Variants in SPIRE1 observed in about 807,000 individuals in gnomAD.
SPIRE1 encodes protein spire homolog 1.
A neutral mutation model predicts 94.1 loss-of-function variants in SPIRE1; 40 were observed. The observed-to-expected ratio is 0.43, with a 90% CI of 0.33 to 0.55. The LOEUF is 0.55. Among genes scored for constraint, SPIRE1 ranks in the 20% least tolerant of loss-of-function variants. SPIRE1 has a pLI of 0.06. For synonymous variants in SPIRE1, 376 were observed against 371.7 expected, an observed-to-expected ratio of 1.01 and a Z score of -0.13; for missense variants, 838 against 975.2, an observed-to-expected ratio of 0.86 and a Z score of 1.87.
intron 2 of SPIRE1, among the ~76,000 whole-genome samples, chr18:12,604,679 A>AT (rs1567962315): frequency 6.6e-6 from 1 of 152,190 alleles, no homozygotes; most frequent in Non-Finnish European, 1.5e-5. Flanking sequence ...CATTAGAAAC[A>AT]TGGCAGAAAA....
intron 2 of SPIRE1, among the ~76,000 whole-genome samples, chr18:12,577,241 A>T (rs2036131327): frequency 1.3e-5 from 2 of 151,932 alleles, no homozygotes; most frequent in Non-Finnish European, 2.9e-5. Context: ...TCCGCCTCCC[A>T]GGGTTACACC....
chr18:12,504,527 C>A (rs920223842), intron 6 of SPIRE1, among the ~76,000 whole-genome samples: 7 of 152,216 alleles, frequency 4.6e-5, no homozygotes, highest in African/African-American at 1.2e-4. Flanking sequence ...AAACAAAAAA[C>A]CAAGTGATGT....
At chr18:12,645,974 A>G (rs1177039872) in intron 1 of SPIRE1, among the ~76,000 whole-genome samples, 1 of 152,118 alleles carries the variant, frequency 6.6e-6, no homozygotes, top group African/African-American at 2.4e-5. Context: ...AACTCCAAAT[A>G]ATTAGTAGTG....
chr18:12,607,615 AC>A (rs2037019552), intron 2 of SPIRE1, among the ~76,000 whole-genome samples: 2 of 151,646 alleles, frequency 1.3e-5, no homozygotes, highest in African/African-American at 2.4e-5. Context: ...ACACACACAC[AC>A]ACACACACAC....
chr18:12,590,837 A>C (rs929080523), intron 2 of SPIRE1, among the ~76,000 whole-genome samples: 2 of 152,238 alleles, frequency 1.3e-5, no homozygotes, highest in Non-Finnish European at 2.9e-5. Context: ...GTTACTGTGT[A>C]CAGTTTGTAA....
At chr18:12,576,611 G>A (rs1045546462) in intron 2 of SPIRE1, among the ~76,000 whole-genome samples, 14 of 145,558 alleles carry the variant, frequency 9.6e-5, no homozygotes, top group African/African-American at 2.5e-4. Context: ...AAAAAAAGAC[G>A]GGGCACAGTG....
At chr18:12,656,993 T>C (rs1335966436) in intron 1 of SPIRE1, among the ~76,000 whole-genome samples, 1 of 152,266 alleles carries the variant, frequency 6.6e-6, no homozygotes, top group African/African-American at 2.4e-5. Context: ...AGAATCATCT[T>C]TACATTTCCG....
chr18:12,506,736 CA>C, intron 5 of SPIRE1, 95 bp from the exon 6 acceptor site: 1 of 1,218,970 alleles, frequency 8.2e-7, no homozygotes, highest in African/African-American at 1.5e-5. Flanking sequence ...GCTTGGATTA[CA>C]AAACAATGAG....
chr18:12,478,920 T>A (rs1039835876), intron 10 of SPIRE1, among the ~76,000 whole-genome samples: 1 of 152,084 alleles, frequency 6.6e-6, no homozygotes, highest in African/African-American at 2.4e-5. Flanking sequence ...ATTTTCTTTT[T>A]TGGAGTTTTG....
chr18:12,555,162 C>T (rs1210901358), intron 2 of SPIRE1, among the ~76,000 whole-genome samples: 2 of 152,120 alleles, frequency 1.3e-5, no homozygotes, highest in Non-Finnish European at 2.9e-5. Context: ...CTCCCATCTC[C>T]TCAGCTGCAG....
intron 2 of SPIRE1, among the ~76,000 whole-genome samples, chr18:12,633,965 C>T (rs1337334921): frequency 6.6e-6 from 1 of 151,914 alleles, no homozygotes; most frequent in African/African-American, 2.4e-5. Flanking sequence ...AATAATAAAC[C>T]AGGCCAGGCA....
In SPIRE1 at chr18:12,658,079, C is replaced by G; in HGVS notation, c.-213G>C. 1.0e-6 allele frequency: 1 copy of G among 992,142 alleles called. No homozygotes were observed. Among genetic ancestry groups the G allele is most frequent in the Non-Finnish European group, 1.2e-6 (1 of 835,606 alleles). The allele number at this position is 992,142 out of a possible 1,614,324, so 61.5% of individuals were successfully genotyped here. ...ACGGCTGCAGTCCCGGTCAGACAGC[C>G]GCCGGCCGGTAGCGACGCGATGGCG... On this transcript the variant is annotated 5_prime_UTR_variant, in exon 1 of 17. Coordinates refer to ENST00000409402, the MANE Select transcript of SPIRE1 (RefSeq NM_001128626.2).
At chr18:12,610,181 G>C (rs1476602003) in intron 2 of SPIRE1, among the ~76,000 whole-genome samples, 1 of 151,800 alleles carries the variant, frequency 6.6e-6, no homozygotes. Flanking sequence ...TCTAGTTGCC[G>C]GTTTACTGTC....
At chr18:12,615,345 A>AAAAAAAAAAAAAAAAAT in intron 2 of SPIRE1, among the ~76,000 whole-genome samples, 7 of 17,244 alleles carry the variant, frequency 4.1e-4, no homozygotes, top group African/African-American at 7.1e-4. Flanking sequence ...AAAAAAAAAA[A>AAAAAAAAAAAAAAAAAT]ATATATATAT....
At chr18:12,479,131 A>G (rs528071188) in intron 10 of SPIRE1, among the ~76,000 whole-genome samples, 6 of 145,968 alleles carry the variant, frequency 4.1e-5, no homozygotes, top group African/African-American at 1.5e-4. Context: ...GACTACATAT[A>G]TGTGTGTGTG....
chr18:12,479,280 TC>T (rs1403908827), intron 10 of SPIRE1, among the ~76,000 whole-genome samples: 1 of 150,446 alleles, frequency 6.6e-6, no homozygotes, highest in African/African-American at 2.4e-5. Context: ...GCTCAAGGAA[TC>T]CTCCTGCCTT....
At chr18:12,615,064 C>T (rs1310294511) in intron 2 of SPIRE1, among the ~76,000 whole-genome samples, 1 of 151,280 alleles carries the variant, frequency 6.6e-6, no homozygotes, top group Non-Finnish European at 1.5e-5. Flanking sequence ...GTAGGTCATG[C>T]CTGTAATCCT....
In SPIRE1 at chr18:12,507,771, T is replaced by A. The variant is rs144746706; in HGVS notation, c.808-1130A>T. On this transcript the variant is annotated intron_variant, in intron 5 of 16. Transcript: ENST00000409402. Reference sequence around the variant, plus strand: ...GTATTATACTTTAACTCTTTTGTTCTCCTGCCTATAATGTGTCAAAGTCTC... The same window carrying A: ...GTATTATACTTTAACTCTTTTGTTCACCTGCCTATAATGTGTCAAAGTCTC... 6.4e-3 allele frequency among the ~76,000 whole-genome samples: 968 copies of A among 151,936 alleles called. 6 individuals carry two copies. The highest frequency in any genetic ancestry group is 0.022 in the African/African-American group (924 of 41,234).
chr18:12,603,252 C>T lies in SPIRE1; in HGVS notation c.372+31810G>A, dbSNP rs140769057. Among the ~76,000 whole-genome samples the T allele has an allele frequency of 1.1e-3, 168 of 152,292 alleles. 1 individual carries two copies. The highest frequency in any genetic ancestry group is 3.9e-3 in the African/African-American group (161 of 41,544). Reference sequence around the variant, plus strand: ...AACTATAGTTACTAAATGTTTATCACTTCTACACCATCATAAAGTCGAAAA... The same window carrying T: ...AACTATAGTTACTAAATGTTTATCATTTCTACACCATCATAAAGTCGAAAA... On this transcript the variant is annotated intron_variant, in intron 2 of 16. Coordinates refer to ENST00000409402, the MANE Select transcript of SPIRE1 (RefSeq NM_001128626.2).
Sources: allele counts gnomAD v4.1 joint callset (sites outside exome capture counted in the v4.1 genomes callset), GRCh38; gene constraint gnomAD v4.1.1; transcripts MANE v1.5; gene names NCBI Gene and HGNC (gene_info 2026-07-23, HGNC 2026-07-21).